Variants in OSBPL11 observed in about 807,000 individuals in gnomAD.
The protein encoded by OSBPL11 is oxysterol-binding protein-related protein 11.
OSBPL11 carries 33 observed loss-of-function variants against 84.4 expected under a neutral mutation model. The ratio of observed to expected loss-of-function variants is 0.39; its 90% CI spans 0.30 to 0.52. The LOEUF is 0.52. OSBPL11 is among the 20% of genes least tolerant of loss of function. The pLI is 0.72. For missense variants in OSBPL11, 736 were observed against 901.1 expected, an observed-to-expected ratio of 0.82 and a Z score of 2.35; for synonymous variants, 276 against 310.2, an observed-to-expected ratio of 0.89 and a Z score of 1.16.
At chr3:125,563,926 T>A in intron 6 of OSBPL11, 83 bp from the exon 7 acceptor site, 1 of 1,526,224 alleles carries the variant, frequency 6.6e-7, no homozygotes, top group Non-Finnish European at 8.9e-7. Flanking sequence ...CAATTTTGTT[T>A]TGAGCCTACA....
chr3:125,562,953 C>T (rs1163005528), intron 7 of OSBPL11, among the ~76,000 whole-genome samples: 2 of 150,826 alleles, frequency 1.3e-5, no homozygotes, highest in Non-Finnish European at 3.0e-5. Context: ...AAGTTGGAAA[C>T]AAGATAATAA....
intron 7 of OSBPL11, among the ~76,000 whole-genome samples, 182 bp from the exon 8 acceptor site, chr3:125,560,701 C>T (rs1024104971): frequency 1.3e-5 from 2 of 152,198 alleles, no homozygotes; most frequent in Non-Finnish European, 2.9e-5. Flanking sequence ...CAGAGAGCCC[C>T]ATTATTGCTG....
chr3:125,553,990 G>A (rs542424519), intron 8 of OSBPL11, among the ~76,000 whole-genome samples: 2 of 152,294 alleles, frequency 1.3e-5, no homozygotes, highest in South Asian at 2.1e-4. Context: ...GTTACAATAT[G>A]CACAGATTCC....
At chr3:125,589,932 T>TA (rs895964746) in intron 1 of OSBPL11, among the ~76,000 whole-genome samples, 5 of 151,962 alleles carry the variant, frequency 3.3e-5, no homozygotes, top group East Asian at 1.9e-4. Context: ...CTCAAAATTT[T>TA]AAAAAAAAGC....
At position 125,531,898 on chromosome 3, in the gene OSBPL11, G is replaced by A; in HGVS notation, c.2141C>T (p.Thr714Ile). The A allele has an allele frequency of 6.2e-7, 1 of 1,613,814 alleles. No individual in the cohort carries two copies. The highest frequency in any genetic ancestry group is 8.5e-7 in the Non-Finnish European group (1 of 1,179,948). ...QRTEERHRTETGTPWKTKYFI... is the reference protein window; with the variant it reads ...QRTEERHRTEIGTPWKTKYFI... ...ATATTTGGTTTTCCAAGGTGTGCCT[G>A]TTTCAGTACGATGCCTTTCTTCAGT... Residue 714 changes from threonine (T) to isoleucine (I), a missense_variant, in exon 12 of 13, where the codon ACA becomes ATA. By Grantham distance (89) the Thr-to-Ile change is moderately conservative. Around this residue, in one of 3 missense-constraint regions of OSBPL11, gnomAD observed 579 missense variants for 717.6 expected, o/e 0.81. Coordinates refer to ENST00000296220, the MANE Select transcript of OSBPL11 (RefSeq NM_022776.5).
chr3:125,586,706 G>A lies in OSBPL11; in HGVS notation c.165-3728C>T, dbSNP rs570313685. ...TACTTTTTCTATTTGTAGTAGAGAC[G>A]GGGTTTCATCATGTTGGTCAGGCTG... On this transcript the variant is annotated intron_variant, in intron 1 of 12. Transcript: ENST00000296220. Among the ~76,000 whole-genome samples the A allele has an allele frequency of 1.2e-4, 18 of 151,866 alleles. No homozygotes were observed. In the East Asian group the frequency reaches 3.5e-3, roughly 29 times the overall value.
chr3:125,580,023 T>C lies in OSBPL11; in HGVS notation c.251A>G (p.Asn84Ser), dbSNP rs1936396278. ...AAAGTACTCCAACAGCCCAGCTTCA[T>C]TGTTTAAAACAAAAAACCTGTAATG... ...GWQYRFFVLN[N>S]EAGLLEYFVN... Residue 84 changes from asparagine (N) to serine (S), a missense_variant, in exon 3 of 13, where the codon AAT (asparagine) becomes AGT (serine). Physicochemically the swap from Asn to Ser is conservative, Grantham distance 46 (BLOSUM62 1). Around this residue, in one of 3 missense-constraint regions of OSBPL11, gnomAD observed 114 missense variants for 104.9 expected, o/e 1.09. Coordinates refer to ENST00000296220, the MANE Select transcript of OSBPL11 (RefSeq NM_022776.5). The C allele has an allele frequency of 2.5e-6, 4 of 1,609,178 alleles. No individual in the cohort carries two copies. The highest frequency in any genetic ancestry group is 2.2e-5 in the East Asian group (1 of 44,870).
intron 1 of OSBPL11, among the ~76,000 whole-genome samples, chr3:125,585,523 GAGTT>G (rs933067695): frequency 3.0e-5 from 4 of 133,786 alleles, no homozygotes. Context: ...TATATCTAAA[GAGTT>G]AGCTTTCTGA....
chr3:125,533,067 C>T (rs1224123987), intron 11 of OSBPL11, among the ~76,000 whole-genome samples: 4 of 152,004 alleles, frequency 2.6e-5, no homozygotes, highest in South Asian at 2.1e-4. Context: ...AGAGATCTTA[C>T]GGTAGGATGA....
At chr3:125,573,671 T>C (rs770124675) in intron 5 of OSBPL11, among the ~76,000 whole-genome samples, 27 of 152,000 alleles carry the variant, frequency 1.8e-4, no homozygotes, top group Non-Finnish European at 2.1e-4. Flanking sequence ...AAAACCATCC[T>C]GGCCAACATG....
At chr3:125,546,157 C>T (rs1435655580) in intron 10 of OSBPL11, among the ~76,000 whole-genome samples, 1 of 144,936 alleles carries the variant, frequency 6.9e-6, no homozygotes, top group East Asian at 2.0e-4. Context: ...AAGTCTATTT[C>T]GTTTTTTTTG....
Position 125,531,981 on chromosome 3 carries a change from T to C in OSBPL11, c.2058A>G (p.Arg686=). ...CTGTGGCCTTATCAATTTCAGATTC[T>C]CTCAGCGAGTCTGTCACATTTTTCC... ...RLWKNVTDSL[R]ESEIDKATEH... The change falls in exon 12 of 13, where the codon AGA becomes AGG. Residue 686 remains arginine (R), a synonymous_variant. Coordinates refer to ENST00000296220, the MANE Select transcript of OSBPL11 (RefSeq NM_022776.5). 1 of 1,607,816 alleles carries C rather than the reference T, an allele frequency of 6.2e-7. No individual in the cohort carries two copies. Among genetic ancestry groups the C allele is most frequent in the South Asian group, 1.1e-5 (1 of 89,122 alleles).
chr3:125,578,156 G>C (rs998799577), intron 4 of OSBPL11, among the ~76,000 whole-genome samples: 3 of 152,112 alleles, frequency 2.0e-5, no homozygotes, highest in Admixed American at 2.0e-4. Context: ...TAAAAAAGTA[G>C]TATATCTATA....
intron 8 of OSBPL11, among the ~76,000 whole-genome samples, chr3:125,555,534 A>G (rs1459715005): frequency 2.6e-5 from 4 of 152,210 alleles, no homozygotes; most frequent in African/African-American, 7.2e-5. Flanking sequence ...AATGGATAAA[A>G]GAAACCTACA....
intron 1 of OSBPL11, among the ~76,000 whole-genome samples, chr3:125,592,434 A>C (rs939185405): frequency 6.6e-5 from 10 of 151,954 alleles, no homozygotes; most frequent in African/African-American, 2.4e-4. Flanking sequence ...TCTGTGTGTC[A>C]AAAAAAATGA....
rs2107583505 is a variant in OSBPL11 at position 125,529,307 on chromosome 3, C to T, written c.*1208G>A. ...AATGAATGATGAAAGCCATAATTAG[C>T]TCTATTCTTTTAATTGCCAGCAATT... is the stretch of plus-strand genomic sequence containing the variant. On this transcript the variant is annotated 3_prime_UTR_variant, in exon 13 of 13. Transcript: ENST00000296220. The T allele has an allele frequency of 6.6e-6, 1 of 152,308 alleles. No homozygotes were observed. Among genetic ancestry groups the T allele is most frequent in the South Asian group, 2.1e-4 (1 of 4,832 alleles). The allele number at this position is 152,308 out of a possible 1,614,324, so 9.4% of individuals were successfully genotyped here. A position where few individuals can be genotyped will look rare whatever the true frequency, so the allele number is the denominator to read the frequency against.
intron 10 of OSBPL11, among the ~76,000 whole-genome samples, chr3:125,541,096 C>T (rs1323265870): frequency 1.3e-5 from 2 of 152,198 alleles, no homozygotes; most frequent in African/African-American, 4.8e-5. Context: ...ATGGGCATGG[C>T]TGTGTTCCAA....
intron 11 of OSBPL11, among the ~76,000 whole-genome samples, chr3:125,537,468 C>G (rs985401777): frequency 6.6e-6 from 1 of 152,124 alleles, no homozygotes; most frequent in African/African-American, 2.4e-5. Flanking sequence ...CTCAAGGACC[C>G]AACAGGGGTC....
At chr3:125,554,360 G>A (rs375790635) in intron 8 of OSBPL11, among the ~76,000 whole-genome samples, 1 of 152,264 alleles carries the variant, frequency 6.6e-6, no homozygotes, top group South Asian at 2.1e-4. Flanking sequence ...GAGTCACCAA[G>A]TATGAGATGA....
Sources: allele counts gnomAD v4.1 joint callset (sites outside exome capture counted in the v4.1 genomes callset), GRCh38; gene constraint gnomAD v4.1.1; regional missense constraint gnomAD v4.1.1; transcripts MANE v1.5; gene names NCBI Gene and HGNC (gene_info 2026-07-23, HGNC 2026-07-21).